ARHGEF28: variants seen among roughly 807,000 people sequenced by gnomAD.
ARHGEF28 encodes the protein 190 kDa guanine nucleotide exchange factor.
In ARHGEF28, 152 loss-of-function variants were observed where a neutral mutation model predicts 206.6. The ratio of observed to expected loss-of-function variants is 0.74; its 90% CI spans 0.64 to 0.84. The LOEUF is 0.84. Ranked by LOEUF, ARHGEF28 falls within the 40% of genes least tolerant of loss-of-function variation. The pLI is 0.00. For synonymous variants in ARHGEF28, 763 were observed against 776.4 expected (o/e 0.98, Z 0.29); for missense variants, 2,028 against 2,073.2 (o/e 0.98, Z 0.42).
intron 16 of ARHGEF28, 113 bp downstream of exon 16, chr5:73,858,332 G>A (rs542826547): frequency 1.5e-6 from 2 of 1,324,830 alleles, no homozygotes; most frequent in African/African-American, 1.5e-5. Context: ...CCACACATAT[G>A]ACTGAACCGT....
intron 4 of ARHGEF28, among the ~76,000 whole-genome samples, chr5:73,763,564 C>G (rs963462657): frequency 6.6e-6 from 1 of 152,118 alleles, no homozygotes; most frequent in Admixed American, 6.6e-5. Flanking sequence ...TCATTTGTCT[C>G]CCAAACAGAA....
intron 10 of ARHGEF28, among the ~76,000 whole-genome samples, chr5:73,840,159 C>T (rs1447647780): frequency 6.6e-6 from 1 of 152,144 alleles, no homozygotes; most frequent in East Asian, 1.9e-4. Flanking sequence ...CTCTGTAACC[C>T]AGGCTAGAGT....
intron 16 of ARHGEF28, among the ~76,000 whole-genome samples, chr5:73,861,177 A>G (rs1759375380): frequency 2.6e-5 from 4 of 151,848 alleles, no homozygotes; most frequent in African/African-American, 9.7e-5. Flanking sequence ...CGAGTCACTC[A>G]TGCAGAGCTG....
At position 73,767,407 on chromosome 5, in the gene ARHGEF28, T is replaced by C. The variant is rs989974190; in HGVS notation, c.476-6448T>C. ...CTTCCTAGAGACTTGTTGAATGGCT[T>C]TGCCCAAAATGATTATAGCAATATG... is the stretch of plus-strand genomic sequence containing the variant. On this transcript the variant is annotated intron_variant, in intron 4 of 35. Coordinates refer to ENST00000513042, the MANE Select transcript of ARHGEF28 (RefSeq NM_001177693.2). Among the ~76,000 whole-genome samples the C allele has an allele frequency of 2.0e-5, 3 of 152,146 alleles. 1 individual carries two copies. Among genetic ancestry groups the C allele is most frequent in the Admixed American group, 6.5e-5 (1 of 15,282 alleles).
At chr5:73,814,221 C>G (rs1304149571) in intron 9 of ARHGEF28, among the ~76,000 whole-genome samples, 1 of 151,942 alleles carries the variant, frequency 6.6e-6, no homozygotes, top group African/African-American at 2.4e-5. Flanking sequence ...AACACAAAAG[C>G]CTGTGTATCT....
At chr5:73,883,619 T>A (rs555469750) in intron 23 of ARHGEF28, 148 bp from the exon 24 acceptor site, 2 of 451,996 alleles carry the variant, frequency 4.4e-6, no homozygotes, top group East Asian at 3.5e-5. Context: ...GCAATTTAAA[T>A]TAGTGATAAT....
At chr5:73,682,801 G>A (rs959705734) in intron 1 of ARHGEF28, among the ~76,000 whole-genome samples, 11 of 152,208 alleles carry the variant, frequency 7.2e-5, no homozygotes, top group South Asian at 2.1e-4. Flanking sequence ...CCAGCCACTC[G>A]GGAGGCTAAG....
chr5:73,635,540 G>A (rs2112126088), intron 1 of ARHGEF28, among the ~76,000 whole-genome samples: 1 of 152,290 alleles, frequency 6.6e-6, no homozygotes, highest in African/African-American at 2.4e-5. Context: ...TCTTTAGGTA[G>A]TGATTTCATT....
intron 21 of ARHGEF28, 144 bp downstream of exon 21, chr5:73,870,353 C>G (rs1190395350): frequency 1.9e-6 from 2 of 1,060,690 alleles, no homozygotes; most frequent in Non-Finnish European, 2.6e-6. Flanking sequence ...TTTAGATCAC[C>G]TAGACCTTAG....
intron 2 of ARHGEF28, among the ~76,000 whole-genome samples, chr5:73,708,757 C>T (rs1749081786): frequency 6.6e-6 from 1 of 152,154 alleles, no homozygotes; most frequent in African/African-American, 2.4e-5. Flanking sequence ...AATGGTAGTT[C>T]TGTTTCAATT....
At chr5:73,830,564 A>G (rs1235368952) in intron 9 of ARHGEF28, among the ~76,000 whole-genome samples, 1 of 151,570 alleles carries the variant, frequency 6.6e-6, no homozygotes, top group African/African-American at 2.4e-5. Context: ...AAAAAAGAAA[A>G]AAAAAAAAAA....
At chr5:73,821,151 A>C (rs189554908) in intron 9 of ARHGEF28, among the ~76,000 whole-genome samples, 1 of 152,246 alleles carries the variant, frequency 6.6e-6, no homozygotes, top group East Asian at 1.9e-4. Context: ...GGAGTTGCTC[A>C]GGATAATGAA....
At chr5:73,737,705 AG>A (rs1751085177) in intron 2 of ARHGEF28, among the ~76,000 whole-genome samples, 1 of 151,682 alleles carries the variant, frequency 6.6e-6, no homozygotes, top group South Asian at 2.1e-4. Flanking sequence ...TTAGTAGAGA[AG>A]GGGTTTCACC....
intron 20 of ARHGEF28, among the ~76,000 whole-genome samples, chr5:73,869,634 C>T (rs551854952): frequency 1.4e-4 from 22 of 152,268 alleles, no homozygotes; most frequent in African/African-American, 4.3e-4. Flanking sequence ...TGGCTGGGCA[C>T]GGTGGCTCAG....
At position 73,780,664 on chromosome 5, in the gene ARHGEF28, A is replaced by G. The variant is rs773497031; in HGVS notation, c.841-12A>G. On this transcript the variant is annotated splice_polypyrimidine_tract_variant and intron_variant, in intron 6 of 35. Transcript: ENST00000513042. The stretch of plus-strand genomic sequence containing the variant: ...GTGCTTTTTTGTTTTTTTTTTCCCC[A>G]TTGTTTCCTAGGCCTTTGAGCCAGA... 29 of 1,546,932 alleles carry G rather than the reference A, an allele frequency of 1.9e-5. No homozygotes were observed. Among genetic ancestry groups the G allele is most frequent in the Middle Eastern group, 1.7e-4 (1 of 5,950 alleles).
chr5:73,684,230 C>T (rs1189284612), intron 1 of ARHGEF28, among the ~76,000 whole-genome samples: 4 of 152,296 alleles, frequency 2.6e-5, no homozygotes, highest in African/African-American at 9.6e-5. Context: ...TAATAACTCT[C>T]CATTCTCCCC....
chr5:73,790,641 C>A (rs1426492018), intron 7 of ARHGEF28, among the ~76,000 whole-genome samples: 2 of 146,936 alleles, frequency 1.4e-5, no homozygotes, highest in Non-Finnish European at 3.0e-5. Flanking sequence ...TTATACCGAG[C>A]AGGCAAAATG....
chr5:73,840,184 G>A (rs775176524), intron 10 of ARHGEF28, among the ~76,000 whole-genome samples: 30 of 152,188 alleles, frequency 2.0e-4, no homozygotes, highest in Non-Finnish European at 3.5e-4. Flanking sequence ...TGGCGCAATC[G>A]CTACTCATTG....
intron 31 of ARHGEF28, chr5:73,903,123 G>A (rs982768308): frequency 6.6e-6 from 1 of 152,190 alleles, no homozygotes; most frequent in Non-Finnish European, 1.5e-5. Flanking sequence ...GGGAAGCGGA[G>A]GTCTGGCTAG....
Sources: allele counts gnomAD v4.1 joint callset (sites outside exome capture counted in the v4.1 genomes callset), GRCh38; gene constraint gnomAD v4.1.1; transcripts MANE v1.5; gene names NCBI Gene and HGNC (gene_info 2026-07-23, HGNC 2026-07-21).